NPHP4: variants seen among roughly 807,000 people sequenced by gnomAD.
NPHP4 encodes the protein nephrocystin 4.
A neutral mutation model predicts 155.8 loss-of-function variants in NPHP4; 151 were observed. That is an observed-to-expected ratio of 0.97 (90% CI 0.85 to 1.11). The LOEUF is 1.11. Ranked by LOEUF, NPHP4 falls within the 50% of genes least tolerant of loss-of-function variation. The pLI, the probability that NPHP4 is intolerant of heterozygous loss-of-function variation, is 0.00. For synonymous variants in NPHP4, 845 were observed against 816.8 expected, an observed-to-expected ratio of 1.03 and a Z score of -0.59; for missense variants, 1,956 against 1,925.7, an observed-to-expected ratio of 1.02 and a Z score of -0.29.
At chr1:5,969,332 C>A (rs998982817) in intron 3 of NPHP4, 73 bp from the exon 4 acceptor site, 14 of 976,462 alleles carry the variant, frequency 1.4e-5, no homozygotes, top group Non-Finnish European at 1.9e-5. Flanking sequence ...GCTGTCCCCA[C>A]CCCCGAGACC....
intron 9 of NPHP4, among the ~76,000 whole-genome samples, chr1:5,940,687 A>T (rs1646773508): frequency 6.6e-6 from 1 of 152,208 alleles, no homozygotes; most frequent in Non-Finnish European, 1.5e-5. Context: ...AAAACATCCC[A>T]TTTACAACAG....
intron 23 of NPHP4, among the ~76,000 whole-genome samples, chr1:5,872,368 G>A (rs1362023199): frequency 6.6e-6 from 1 of 152,162 alleles, no homozygotes; most frequent in Non-Finnish European, 1.5e-5. Context: ...TTACCATTCA[G>A]ACCTGAGCTA....
At chr1:5,926,597 T>G (rs1646017721) in intron 11 of NPHP4, among the ~76,000 whole-genome samples, 1 of 152,192 alleles carries the variant, frequency 6.6e-6, no homozygotes, top group Admixed American at 6.5e-5. Context: ...TTCATCAAAT[T>G]CATCAACTTA....
At position 5,888,300 on chromosome 1, in the gene NPHP4, G is replaced by A. The variant is rs964653673; in HGVS notation, c.2305-834C>T. 3.7e-5 allele frequency: 36 copies of A among 981,678 alleles called. No homozygotes were observed. In the South Asian group the frequency reaches 1.1e-3, roughly 30 times the overall value. The allele number at this position is 981,678 out of a possible 1,614,324, so 60.8% of individuals were successfully genotyped here. A position where few individuals can be genotyped will look rare whatever the true frequency, so the allele number is the denominator to read the frequency against. On this transcript the variant is annotated intron_variant, in intron 17 of 29. Coordinates refer to ENST00000378156, the MANE Select transcript of NPHP4 (RefSeq NM_015102.5). ...GGGATGACAACGGCCTCACGGCTGT[G>A]CCCCAGGCGTGGCTGGGACACTCTT...
rs538605079 is a variant in NPHP4 at position 5,947,866 on chromosome 1, C to T, written c.992+204G>A. ...AATGCTAACCCCCAAATTGTCAGAG[C>T]ACAAAAGGAAAAAAAAAGGGGGGGG... On this transcript the variant is annotated intron_variant, in intron 8 of 29. Coordinates refer to ENST00000378156, the MANE Select transcript of NPHP4 (RefSeq NM_015102.5). 6.6e-5 allele frequency among the ~76,000 whole-genome samples: 10 copies of T among 150,624 alleles called. No homozygotes were observed. The East Asian group carries it at 1.6e-3, about 23-fold the overall frequency.
intron 1 of NPHP4, chr1:5,991,656 C>A (rs2102500339): frequency 6.6e-6 from 1 of 152,306 alleles, no homozygotes; most frequent in South Asian, 2.1e-4. Flanking sequence ...CCGGGAGGTT[C>A]CAAGGCAGGA....
chr1:5,964,931 A>AT (rs1188241159), intron 5 of NPHP4, among the ~76,000 whole-genome samples: 1 of 23,900 alleles, frequency 4.2e-5, no homozygotes, highest in Non-Finnish European at 7.0e-5. Flanking sequence ...ATATATATAT[A>AT]TATATATATA....
At chr1:5,924,706 G>C (rs551525991) in intron 11 of NPHP4, among the ~76,000 whole-genome samples, 18 of 152,250 alleles carry the variant, frequency 1.2e-4, no homozygotes, top group African/African-American at 3.9e-4. Context: ...CCAGGCTGGA[G>C]TGCACTGGCG....
chr1:5,946,132 G>A (rs1006825961), intron 9 of NPHP4, among the ~76,000 whole-genome samples: 2 of 152,162 alleles, frequency 1.3e-5, no homozygotes, highest in Admixed American at 1.3e-4. Flanking sequence ...GTACCGTGTA[G>A]GGGTCAGTAC....
intron 3 of NPHP4, among the ~76,000 whole-genome samples, chr1:5,970,129 G>T (rs910829261): frequency 6.6e-6 from 1 of 152,092 alleles, no homozygotes; most frequent in African/African-American, 2.4e-5. Context: ...TCATACGGGC[G>T]CTCCCACTTG....
intron 16 of NPHP4, among the ~76,000 whole-genome samples, chr1:5,895,095 C>A (rs1400014247): frequency 6.6e-6 from 1 of 151,968 alleles, no homozygotes; most frequent in Non-Finnish European, 1.5e-5. Context: ...AGAAACCAAA[C>A]ACCGCATGTT....
intron 11 of NPHP4, among the ~76,000 whole-genome samples, chr1:5,916,732 G>A (rs539257144): frequency 6.6e-5 from 10 of 152,324 alleles, no homozygotes; most frequent in South Asian, 4.1e-4. Context: ...AAGCTAGGCC[G>A]GGTGCAGTGG....
In NPHP4 at chr1:5,890,416, TA is replaced by T. The variant is rs940032296; in HGVS notation, c.2304+451del. Among the ~76,000 whole-genome samples the T allele has an allele frequency of 6.6e-6, 1 of 152,020 alleles. No homozygotes were observed. The highest frequency in any genetic ancestry group is 2.4e-5 in the African/African-American group (1 of 41,378). ...AAGGAGAATGGAAAAGGACAATTAG[TA>T]AAAGAGATTCTAATTTTCACCAGAA... On this transcript the variant is annotated intron_variant, in intron 17 of 29. Transcript: ENST00000378156. The surrounding 1 kb of genome is among the most constrained non-coding windows in gnomAD (Gnocchi z 4.9).
chr1:5,907,353 C>A, intron 12 of NPHP4, 131 bp from the exon 13 acceptor site: 1 of 523,244 alleles, frequency 1.9e-6, no homozygotes. Context: ...GTGATGCCTG[C>A]AGCCTCCTGG....
At position 5,927,806 on chromosome 1, in the gene NPHP4, GC is replaced by G. The variant is rs1357448778; in HGVS notation, c.1303-20del. On this transcript the variant is annotated intron_variant, in intron 10 of 29. Coordinates refer to ENST00000378156, the MANE Select transcript of NPHP4 (RefSeq NM_015102.5). ...GCTTCACCTGCAATGGACCAGAAGA[GC>G]AGTGATGGCCACTCCCTTCATCAGC... 1 of 1,598,454 alleles carries G rather than the reference GC, an allele frequency of 6.3e-7. No homozygotes were observed. The highest frequency in any genetic ancestry group is 1.7e-5 in the Admixed American group (1 of 59,786).
At chr1:5,875,181 C>A in intron 20 of NPHP4, 81 bp from the exon 21 acceptor site, 1 of 1,045,244 alleles carries the variant, frequency 9.6e-7, no homozygotes, top group East Asian at 2.6e-5. Flanking sequence ...GCCCACCACC[C>A]GCGATCTCAG....
At position 5,952,809 on chromosome 1, in the gene NPHP4, T is replaced by C. The variant is rs1330795676; in HGVS notation, c.701A>G (p.Gln234Arg). ...SGDALRKPRLQKPITGHLDDL... is the reference protein window; with the variant it reads ...SGDALRKPRLRKPITGHLDDL... Reference sequence around the variant, plus strand: ...ATCCAAGTGCCCCGTGATGGGCTTCTGGAGGCGAGGCTTTCGGAGAGCGTC... The same window carrying C: ...ATCCAAGTGCCCCGTGATGGGCTTCCGGAGGCGAGGCTTTCGGAGAGCGTC... The change falls in exon 7 of 30, where the codon CAG (glutamine) becomes CGG (arginine). Residue 234 changes from glutamine (Q) to arginine (R), a missense_variant. Gln to Arg is a conservative substitution (Grantham distance 43). Coordinates refer to ENST00000378156, the MANE Select transcript of NPHP4 (RefSeq NM_015102.5). 3 of 1,600,554 alleles carry C rather than the reference T, an allele frequency of 1.9e-6. No individual in the cohort carries two copies. The highest frequency in any genetic ancestry group is 2.3e-5 in the South Asian group (2 of 88,264).
intron 11 of NPHP4, among the ~76,000 whole-genome samples, chr1:5,927,438 A>C (rs994372327): frequency 6.6e-6 from 1 of 152,244 alleles, no homozygotes; most frequent in Non-Finnish European, 1.5e-5. Flanking sequence ...TCTGGGCTGA[A>C]GCACAAGCTT....
At chr1:5,864,956 G>A in intron 27 of NPHP4, 146 bp downstream of exon 27, 5 of 736,444 alleles carry the variant, frequency 6.8e-6, no homozygotes, top group Non-Finnish European at 1.1e-5. Flanking sequence ...CAACTGCCGA[G>A]AGGCCTCTGG....
Sources: gnomAD v4.1 joint callset for allele counts (sites outside exome capture counted in the v4.1 genomes callset) on GRCh38, gnomAD v4.1.1 for gene constraint, Gnocchi (gnomAD v3.1) non-coding constraint, MANE v1.5 for transcripts, NCBI Gene and HGNC (gene_info 2026-07-23, HGNC 2026-07-21) for gene names.